AIG1: variants seen among roughly 807,000 people sequenced by gnomAD.
AIG1 encodes androgen-induced gene 1 protein.
A neutral mutation model predicts 31.4 loss-of-function variants in AIG1; 23 were observed. The ratio of observed to expected loss-of-function variants is 0.73; its 90% CI spans 0.53 to 1.04. The LOEUF (loss-of-function observed/expected upper bound fraction) is 1.04, where lower values mean the gene tolerates loss of function less well. Among genes scored for constraint, AIG1 ranks in the 50% least tolerant of loss-of-function variants. The pLI, the probability that AIG1 is intolerant of heterozygous loss-of-function variation, is 0.00. For synonymous variants in AIG1, 100 were observed against 110.5 expected (o/e 0.90, Z 0.60); for missense variants, 274 against 295.0 (o/e 0.93, Z 0.52).
At chr6:143,190,133 G>A in intron 3 of AIG1, 3 of 969,066 alleles carry the variant, frequency 3.1e-6, no homozygotes, top group Non-Finnish European at 3.7e-6. Flanking sequence ...AACCTTAGAG[G>A]TTAGGGTTTC....
chr6:143,305,668 G>A (rs1449940930), intron 4 of AIG1, among the ~76,000 whole-genome samples: 2 of 152,166 alleles, frequency 1.3e-5, no homozygotes, highest in Non-Finnish European at 2.9e-5. Flanking sequence ...TTTGGAATAG[G>A]TGTGGTGCGG....
At chr6:143,237,545 A>G (rs950276644) in intron 3 of AIG1, among the ~76,000 whole-genome samples, 1 of 152,236 alleles carries the variant, frequency 6.6e-6, no homozygotes, top group Non-Finnish European at 1.5e-5. Context: ...GATATTTAGT[A>G]TGTATTACCA....
intron 4 of AIG1, among the ~76,000 whole-genome samples, chr6:143,309,945 A>T (rs1227828732): frequency 6.6e-6 from 1 of 151,988 alleles, no homozygotes; most frequent in African/African-American, 2.4e-5. Context: ...CACCAAGGGG[A>T]CATAATCTTT....
chr6:143,249,164 C>A (rs1478118830), intron 3 of AIG1, among the ~76,000 whole-genome samples: 3 of 152,192 alleles, frequency 2.0e-5, no homozygotes, highest in Non-Finnish European at 2.9e-5. Context: ...ATGTTAATGA[C>A]CACAGCAGAA....
Position 143,258,767 on chromosome 6 carries a change from G to T in AIG1, c.400-25343G>T, listed in dbSNP as rs1015897291. 1.3e-5 allele frequency among the ~76,000 whole-genome samples: 2 copies of T among 152,240 alleles called. No homozygotes were observed. The highest frequency in any genetic ancestry group is 4.8e-5 in the African/African-American group (2 of 41,470). ...CCCACCCCCTGTCAAAACTGAGGTT[G>T]AAATTTGGTCCCCTCTGTGTTGGTG... On this transcript the variant is annotated intron_variant, in intron 3 of 5. Transcript: ENST00000357847. The surrounding 1 kb of genome is among the most constrained non-coding windows in gnomAD (Gnocchi z 4.7).
At chr6:143,174,539 C>T (rs1787954589) in intron 3 of AIG1, among the ~76,000 whole-genome samples, 1 of 151,354 alleles carries the variant, frequency 6.6e-6, no homozygotes, top group Admixed American at 6.6e-5. Flanking sequence ...TTTTAGTGTC[C>T]ATTTGCATGG....
chr6:143,283,054 A>C (rs537691717), intron 3 of AIG1, among the ~76,000 whole-genome samples: 3 of 152,202 alleles, frequency 2.0e-5, no homozygotes, highest in African/African-American at 7.2e-5. Context: ...CTCTTGAGAA[A>C]GTCTCCAGTA....
chr6:143,280,735 G>A lies in AIG1; in HGVS notation c.400-3375G>A, dbSNP rs115612115. On this transcript the variant is annotated intron_variant, in intron 3 of 5. Coordinates refer to ENST00000357847, the MANE Select transcript of AIG1 (RefSeq NM_016108.4). The surrounding 1 kb of genome is among the most constrained non-coding windows in gnomAD (Gnocchi z 4.1). ...GGGGTCTACTTGAGGGGGAGGTTGG[G>A]AGGAGGGAGAGTAGCAGAAAAGATA... 0.018 allele frequency among the ~76,000 whole-genome samples: 2,816 copies of A among 152,292 alleles called. 75 individuals are homozygous for A. The highest frequency in any genetic ancestry group is 0.063 in the African/African-American group (2,606 of 41,540).
intron 3 of AIG1, among the ~76,000 whole-genome samples, chr6:143,232,829 A>T (rs543212193): frequency 2.0e-4 from 31 of 152,156 alleles, no homozygotes; most frequent in Admixed American, 9.8e-4. Context: ...TATTAGCTCC[A>T]TTGGCCTATA....
intron 4 of AIG1, among the ~76,000 whole-genome samples, chr6:143,308,102 C>T (rs949398058): frequency 6.6e-6 from 1 of 152,212 alleles, no homozygotes; most frequent in Middle Eastern, 3.2e-3. Context: ...TTCCAGGTGC[C>T]GTCTGTCACC....
Position 143,061,241 on chromosome 6 carries a change from C to A in AIG1, c.141+175C>A, listed in dbSNP as rs1032988255. 1.1e-5 allele frequency: 9 copies of A among 811,580 alleles called. No homozygotes were observed. In the African/African-American group the frequency reaches 1.2e-4, roughly 11 times the overall value. The allele number at this position is 811,580 out of a possible 1,614,324, so 50.3% of individuals were successfully genotyped here. ...ATTGCGTGTGAAGGCCTGGCTGCCC[C>A]CGCAGCGGCACCTTCTGAACCACTC... On this transcript the variant is annotated intron_variant, in intron 1 of 5. Transcript: ENST00000357847.
chr6:143,268,660 G>T lies in AIG1; in HGVS notation c.400-15450G>T, dbSNP rs980351779. Among the ~76,000 whole-genome samples, 1 of 152,162 alleles carries T rather than the reference G, an allele frequency of 6.6e-6. No individual in the cohort carries two copies. The highest frequency in any genetic ancestry group is 1.5e-5 in the Non-Finnish European group (1 of 68,020). On this transcript the variant is annotated intron_variant, in intron 3 of 5. Coordinates refer to ENST00000357847, the MANE Select transcript of AIG1 (RefSeq NM_016108.4). The surrounding 1 kb of genome is among the most constrained non-coding windows in gnomAD (Gnocchi z 5.0). ...GTCAGCAGATTCATAACCCTGCAGC[G>T]CAATTTTGGATTGTCAGAATCTGTT...
intron 4 of AIG1, among the ~76,000 whole-genome samples, chr6:143,320,364 C>T (rs1288822233): frequency 6.6e-6 from 1 of 151,900 alleles, no homozygotes; most frequent in Non-Finnish European, 1.5e-5. Flanking sequence ...AGTTATATAC[C>T]CAAAAGAGTT....
At chr6:143,188,359 A>C (rs1421997491) in intron 3 of AIG1, 1 of 985,404 alleles carries the variant, frequency 1.0e-6, no homozygotes, top group Non-Finnish European at 1.2e-6. Flanking sequence ...ATGTTGCTGC[A>C]TAATGTCGCC....
chr6:143,291,372 G>A lies in AIG1; in HGVS notation c.515+7147G>A, dbSNP rs1462647848. Reference sequence around the variant, plus strand: ...GTGTGCTGCCCTGGACAGGAGCCAGGGGGTGTTAAAGAGGTCTAGCTGGAG... The same window carrying A: ...GTGTGCTGCCCTGGACAGGAGCCAGAGGGTGTTAAAGAGGTCTAGCTGGAG... On this transcript the variant is annotated intron_variant, in intron 4 of 5. Coordinates refer to ENST00000357847, the MANE Select transcript of AIG1 (RefSeq NM_016108.4). This position sits in a 1 kb window ranked among gnomAD's most constrained non-coding sequence, Gnocchi z 4.2. Among the ~76,000 whole-genome samples, 1 of 152,130 alleles carries A rather than the reference G, an allele frequency of 6.6e-6. No homozygotes were observed. The highest frequency in any genetic ancestry group is 1.5e-5 in the Non-Finnish European group (1 of 68,024).
intron 3 of AIG1, among the ~76,000 whole-genome samples, chr6:143,204,107 A>G (rs1790915688): frequency 6.6e-6 from 1 of 152,160 alleles, no homozygotes; most frequent in Non-Finnish European, 1.5e-5. Context: ...AAGGTTAGAG[A>G]GGGCCCTGTT....
At chr6:143,156,099 AG>A (rs1439900655) in intron 2 of AIG1, among the ~76,000 whole-genome samples, 1 of 152,178 alleles carries the variant, frequency 6.6e-6, no homozygotes, top group East Asian at 1.9e-4. Flanking sequence ...TAGGGACCTC[AG>A]ATCCTGGAGC....
At chr6:143,262,062 C>T (rs562067103) in intron 3 of AIG1, among the ~76,000 whole-genome samples, 4 of 152,190 alleles carry the variant, frequency 2.6e-5, no homozygotes, top group African/African-American at 4.8e-5. Flanking sequence ...GCTGCAAAGA[C>T]GCTTTCAGCA....
In AIG1 at chr6:143,125,206, A is replaced by T. The variant is rs569904742; in HGVS notation, c.142-11629A>T. 3.1e-4 allele frequency among the ~76,000 whole-genome samples: 47 copies of T among 152,328 alleles called. 1 individual carries two copies. The South Asian group carries it at 9.7e-3, about 32-fold the overall frequency. On this transcript the variant is annotated intron_variant, in intron 1 of 5. Coordinates refer to ENST00000357847, the MANE Select transcript of AIG1 (RefSeq NM_016108.4). ...TAGAAAATTTACTGCACTTCAGAACATGATCAAAGATGCAACATCTTTTTT... is the reference window on the plus strand; with the variant it reads ...TAGAAAATTTACTGCACTTCAGAACTTGATCAAAGATGCAACATCTTTTTT...
Sources: gnomAD v4.1 joint callset for allele counts (sites outside exome capture counted in the v4.1 genomes callset) on GRCh38, gnomAD v4.1.1 for gene constraint, Gnocchi (gnomAD v3.1) non-coding constraint, MANE v1.5 for transcripts, NCBI Gene and HGNC (gene_info 2026-07-23, HGNC 2026-07-21) for gene names.